ARAP2: variants seen among roughly 807,000 people sequenced by gnomAD.
ARAP2 encodes the protein ArfGAP with RhoGAP domain, ankyrin repeat and PH domain 2, also known as arf-GAP with Rho-GAP domain, ANK repeat and PH domain-containing protein 2.
Under a neutral mutation model 194.5 loss-of-function variants are expected in ARAP2, and 148 were observed. The observed-to-expected ratio is 0.76, with a 90% CI of 0.67 to 0.87. The LOEUF is 0.87. ARAP2 is among the 40% of genes least tolerant of loss of function. The pLI, the probability that ARAP2 is intolerant of heterozygous loss-of-function variation, is 0.00. For synonymous variants in ARAP2, 695 were observed against 683.5 expected, an observed-to-expected ratio of 1.02 and a Z score of -0.26; for missense variants, 2,128 against 1,989.7, an observed-to-expected ratio of 1.07 and a Z score of -1.32.
intron 19 of ARAP2, among the ~76,000 whole-genome samples, chr4:36,142,422 A>G (rs1430706426): frequency 6.6e-6 from 1 of 151,362 alleles, no homozygotes; most frequent in Non-Finnish European, 1.5e-5. Flanking sequence ...CGTTAATCCT[A>G]TGAACCTCCC....
At chr4:36,218,872 C>CA (rs1041624293) in intron 2 of ARAP2, among the ~76,000 whole-genome samples, 2 of 151,920 alleles carry the variant, frequency 1.3e-5, no homozygotes, top group African/African-American at 2.4e-5. Flanking sequence ...AAGAAACACA[C>CA]AAAAAAATGC....
chr4:36,170,199 T>C (rs1041829304), intron 9 of ARAP2, among the ~76,000 whole-genome samples: 11 of 152,366 alleles, frequency 7.2e-5, no homozygotes, highest in African/African-American at 2.6e-4. Flanking sequence ...CTTTTATATG[T>C]GGCCAACGCC....
Position 36,160,016 on chromosome 4 carries a change from C to T in ARAP2, c.2442+443G>A, listed in dbSNP as rs369938238. ...GGCCGAGGATAGGAAGGAGGAAGAA[C>T]AGTGAGAAGGCGGCAATAAAAAATA... is the stretch of plus-strand genomic sequence containing the variant. On this transcript the variant is annotated intron_variant, in intron 13 of 32. Coordinates refer to ENST00000303965, the MANE Select transcript of ARAP2 (RefSeq NM_015230.4). 6.1e-4 allele frequency: 542 copies of T among 894,108 alleles called. 11 individuals carry two copies. The South Asian group carries it at 0.025, about 41-fold the overall frequency. The allele number at this position is 894,108 out of a possible 1,614,324, so 55.4% of individuals were successfully genotyped here. A position where few individuals can be genotyped will look rare whatever the true frequency, so the allele number is the denominator to read the frequency against.
intron 13 of ARAP2, 46 bp downstream of exon 13, chr4:36,160,412 TA>T: frequency 7.0e-7 from 1 of 1,421,490 alleles, no homozygotes; most frequent in Non-Finnish European, 9.3e-7. Flanking sequence ...GGCACATCAT[TA>T]AAAAGACATT....
At chr4:36,012,425 G>T (rs1714739022) in intron 9 of ARAP2, 1 of 152,146 alleles carries the variant, frequency 6.6e-6, no homozygotes, top group African/African-American at 2.4e-5. Flanking sequence ...TTTACTTAGT[G>T]TTGAATGTGC....
At position 36,019,422 on chromosome 4, in the gene ARAP2, G is replaced by C. The variant is rs995930188; in HGVS notation, n.608-136C>G. ...AAGCAGGCATAGTTCAAATCTCACA[G>C]AGCTTTTGGTTTAACAAAGACAATA... On this transcript the variant is annotated intron_variant and non_coding_transcript_variant, in intron 5 of 12. Coordinates refer to the ARAP2 transcript ENST00000503225. 12 of 149,378 alleles carry C rather than the reference G, an allele frequency of 8.0e-5. 5 individuals are homozygous for C. Among genetic ancestry groups the C allele is most frequent in the African/African-American group, 3.1e-4 (12 of 38,748 alleles). The allele number at this position is 149,378 out of a possible 1,614,324, so 9.3% of individuals were successfully genotyped here.
intron 8 of ARAP2, among the ~76,000 whole-genome samples, chr4:36,181,267 G>GAAAGC (rs1739175632): frequency 6.6e-6 from 1 of 152,186 alleles, no homozygotes; most frequent in African/African-American, 2.4e-5. Context: ...AGGGAGTGGG[G>GAAAGC]AAAGCAAAGA....
At position 36,210,581 on chromosome 4, in the gene ARAP2, T is replaced by A; in HGVS notation, c.1296A>T (p.Ala432=). 2 of 1,613,946 alleles carry A rather than the reference T, an allele frequency of 1.2e-6. No individual in the cohort carries two copies. Among genetic ancestry groups the A allele is most frequent in the Non-Finnish European group, 1.7e-6 (2 of 1,179,862 alleles). Residue 432 remains alanine (A), a synonymous_variant, in exon 6 of 33, where the codon GCA becomes GCT. Coordinates refer to ENST00000303965, the MANE Select transcript of ARAP2 (RefSeq NM_015230.4). ...AGGCTTTTTGAGTCCTAGATTTAGA[T>A]GCCTTTGAATTTTTTCTTCTTAAAC... is the stretch of plus-strand genomic sequence containing the variant. ...FQSLRRKNSK[A]SKSRTQKALI...
At chr4:36,186,215 A>T (rs1239279365) in intron 8 of ARAP2, among the ~76,000 whole-genome samples, 1 of 152,218 alleles carries the variant, frequency 6.6e-6, no homozygotes, top group East Asian at 1.9e-4. Flanking sequence ...ATGCGATGGT[A>T]TTATCTAAAT....
At position 36,243,958 on chromosome 4, in the gene ARAP2, T is replaced by C. The variant is rs544528201; in HGVS notation, c.-160+221A>G. On this transcript the variant is annotated intron_variant, in intron 1 of 32. Transcript: ENST00000303965. ...CGGATCCTCACCCTCCCGGGTCAAA[T>C]CCCAGAAGTGGAGTTCTTGGATCAC... 2.0e-5 allele frequency: 3 copies of C among 152,326 alleles called. No individual in the cohort carries two copies. The South Asian group carries it at 6.2e-4, about 32-fold the overall frequency. The allele number at this position is 152,326 out of a possible 1,614,324, so 9.4% of individuals were successfully genotyped here.
chr4:36,149,309 GT>G (rs1730378806), intron 16 of ARAP2, among the ~76,000 whole-genome samples: 1 of 132,516 alleles, frequency 7.5e-6, no homozygotes, highest in Admixed American at 7.6e-5. Flanking sequence ...ATCAACTCTT[GT>G]CCAGTCAGTC....
At chr4:36,010,340 G>T (rs1714235145) in intron 9 of ARAP2, among the ~76,000 whole-genome samples, 1 of 151,964 alleles carries the variant, frequency 6.6e-6, no homozygotes, top group Admixed American at 6.6e-5. Flanking sequence ...AGGCTAGAAA[G>T]AAATGAGCTT....
chr4:36,183,107 T>C (rs1383082023), intron 8 of ARAP2, among the ~76,000 whole-genome samples: 1 of 152,084 alleles, frequency 6.6e-6, no homozygotes, highest in Admixed American at 6.6e-5. Flanking sequence ...AATATCATAA[T>C]GAAGTCTTCA....
chr4:36,126,882 G>A (rs1724059304), intron 21 of ARAP2, among the ~76,000 whole-genome samples: 1 of 152,018 alleles, frequency 6.6e-6, no homozygotes. Flanking sequence ...CTGTCACCCA[G>A]GCTGGAGTAC....
intron 20 of ARAP2, 92 bp downstream of exon 20, chr4:36,133,134 T>C (rs1277727958): frequency 1.5e-6 from 2 of 1,296,662 alleles, no homozygotes; most frequent in African/African-American, 3.0e-5. Flanking sequence ...ATATAAAGGG[T>C]TTTAACTCAG....
At chr4:36,152,943 G>A (rs940886078) in intron 15 of ARAP2, among the ~76,000 whole-genome samples, 6 of 152,226 alleles carry the variant, frequency 3.9e-5, no homozygotes, top group Non-Finnish European at 7.3e-5. Flanking sequence ...TGGGTGTTCA[G>A]GAGTTTGTGC....
chr4:36,219,281 C>T (rs1056082018), intron 2 of ARAP2, among the ~76,000 whole-genome samples: 15 of 152,276 alleles, frequency 9.9e-5, no homozygotes, highest in South Asian at 2.1e-4. Context: ...AAATATATGT[C>T]AATGGGCAAA....
intron 31 of ARAP2, among the ~76,000 whole-genome samples, chr4:36,077,702 G>A (rs916356046): frequency 9.2e-5 from 14 of 152,186 alleles, no homozygotes; most frequent in Middle Eastern, 3.4e-3. Context: ...ACTCAATGAA[G>A]TGAACAAAAT....
intron 19 of ARAP2, among the ~76,000 whole-genome samples, chr4:36,142,462 T>C (rs1379918295): frequency 6.6e-6 from 1 of 151,486 alleles, no homozygotes; most frequent in African/African-American, 2.4e-5. Context: ...GTGACCTCAC[T>C]AGCTGTCTTG....
Sources: gnomAD v4.1 joint callset for allele counts (sites outside exome capture counted in the v4.1 genomes callset) on GRCh38, gnomAD v4.1.1 for gene constraint, MANE v1.5 for transcripts, NCBI Gene and HGNC (gene_info 2026-07-23, HGNC 2026-07-21) for gene names.